The following C4orf17 variants were observed in gnomAD, a reference collection of about 807,000 sequenced individuals.
C4orf17 encodes uncharacterized protein C4orf17.
Under a neutral mutation model 32.0 loss-of-function variants are expected in C4orf17, and 25 were observed. That is an observed-to-expected ratio of 0.78 (90% confidence interval 0.57 to 1.09). The LOEUF is 1.09. Among genes scored for constraint, C4orf17 ranks in the 50% least tolerant of loss-of-function variants. The probability of loss-of-function intolerance (pLI) is 0.00; values close to 1 mark genes in which losing one functional copy is unlikely to be tolerated. For missense variants in C4orf17, 420 were observed against 420.0 expected (o/e 1.00, Z 0.00); for synonymous variants, 149 against 145.8 (o/e 1.02, Z -0.16).
chr4:99,531,333 ATAAATT>A (rs1432325653), intron 5 of C4orf17, among the ~76,000 whole-genome samples: 3 of 152,158 alleles, frequency 2.0e-5, no homozygotes, highest in African/African-American at 7.2e-5. Flanking sequence ...TATTGAATAA[ATAAATT>A]AAAAGGAAAA....
At chr4:99,519,958 G>A (rs904484016) in intron 2 of C4orf17, among the ~76,000 whole-genome samples, 5 of 152,114 alleles carry the variant, frequency 3.3e-5, no homozygotes, top group Admixed American at 1.3e-4. Context: ...GAAAATGAAG[G>A]CCAAGGGGAA....
intron 4 of C4orf17, among the ~76,000 whole-genome samples, chr4:99,525,703 G>T (rs1255941747): frequency 6.6e-6 from 1 of 151,918 alleles, no homozygotes; most frequent in Non-Finnish European, 1.5e-5. Context: ...CTGAGGCAGG[G>T]GAATTGCTTG....
chr4:99,528,208 TAAAAG>T (rs143160896), intron 4 of C4orf17, among the ~76,000 whole-genome samples: 29,612 of 151,990 alleles, frequency 0.19, 2,931 homozygotes, highest in South Asian at 0.3. Flanking sequence ...TTTTCTCAAT[TAAAAG>T]AAGTTTATAA....
intron 5 of C4orf17, among the ~76,000 whole-genome samples, chr4:99,533,840 A>G (rs1441705271): frequency 6.6e-6 from 1 of 152,212 alleles, no homozygotes; most frequent in Non-Finnish European, 1.5e-5. Flanking sequence ...TTCAGACCCC[A>G]GAAAAGTTAC....
At chr4:99,540,556 CA>C in intron 8 of C4orf17, 101 bp downstream of exon 8, 1 of 717,308 alleles carries the variant, frequency 1.4e-6, no homozygotes, top group Non-Finnish European at 2.4e-6. Flanking sequence ...TTTAAAAAAA[CA>C]GAAAAATACA....
At chr4:99,534,553 C>T (rs1723529294) in intron 5 of C4orf17, among the ~76,000 whole-genome samples, 1 of 152,114 alleles carries the variant, frequency 6.6e-6, no homozygotes, top group East Asian at 1.9e-4. Flanking sequence ...GAGGAATCAC[C>T]ACACTGTCTT....
chr4:99,524,509 A>C lies in C4orf17; in HGVS notation c.338-12A>C. On this transcript the variant is annotated splice_polypyrimidine_tract_variant and intron_variant, in intron 3 of 8. Transcript: ENST00000326581. ...TTTAATCTAAATACATTTTTCCTCA[A>C]TTTTATTTCAGAGCCCAGTAGAAAA... 6.5e-7 allele frequency: 1 copy of C among 1,547,174 alleles called. No individual in the cohort carries two copies. Among genetic ancestry groups the C allele is most frequent in the Non-Finnish European group, 8.9e-7 (1 of 1,124,292 alleles).
At chr4:99,518,504 AAAAAAAAAAAAAAAAT>A (rs1434532638) in intron 2 of C4orf17, among the ~76,000 whole-genome samples, 17 of 68,734 alleles carry the variant, frequency 2.5e-4, no homozygotes, top group African/African-American at 1.2e-3. Flanking sequence ...AAAAAAAAAA[AAAAAAAAAAAAAAAAT>A]ATATATATAT....
At chr4:99,535,946 C>G (rs1236745423) in intron 5 of C4orf17, 1 of 434,264 alleles carries the variant, frequency 2.3e-6, no homozygotes, top group Non-Finnish European at 4.5e-6. Context: ...TTGTTTTTTT[C>G]TGTTTTTCTT....
chr4:99,533,667 G>A (rs957244120), intron 5 of C4orf17, among the ~76,000 whole-genome samples: 2 of 152,182 alleles, frequency 1.3e-5, no homozygotes, highest in African/African-American at 4.8e-5. Context: ...ACCATTAAGT[G>A]TTCAGTCCAA....
At chr4:99,529,487 T>C (rs543123030) in intron 4 of C4orf17, among the ~76,000 whole-genome samples, 1 of 152,200 alleles carries the variant, frequency 6.6e-6, no homozygotes, top group African/African-American at 2.4e-5. Flanking sequence ...AAGAGAAATC[T>C]TCCCAACTTA....
chr4:99,539,332 A>G lies in C4orf17; in HGVS notation c.798A>G (p.Lys266=), dbSNP rs757193521. 6.2e-6 allele frequency: 10 copies of G among 1,614,092 alleles called. No homozygotes were observed. Among genetic ancestry groups the G allele is most frequent in the Middle Eastern group, 1.7e-4 (1 of 6,060 alleles). The change falls in exon 7 of 9, where the codon AAA becomes AAG. Residue 266 remains lysine (K), a synonymous_variant. Transcript: ENST00000326581. ...KLPPNFTAKS[K]VLTRDTEGDQ... ...CCCCAAATTTTACTGCAAAATCAAA[A>G]GTGCTGACCAGAGATACAGAAGGGG...
intron 8 of C4orf17, chr4:99,541,057 A>G (rs1173275306): frequency 1.3e-5 from 2 of 152,316 alleles, no homozygotes; most frequent in Non-Finnish European, 2.9e-5. Context: ...CAAGGAGAGC[A>G]TTCATGACTA....
intron 3 of C4orf17, among the ~76,000 whole-genome samples, chr4:99,524,254 T>C (rs1723349713): frequency 6.6e-6 from 1 of 152,176 alleles, no homozygotes; most frequent in Non-Finnish European, 1.5e-5. Context: ...AATATATACT[T>C]TTTAAATCAG....
In C4orf17 at chr4:99,529,904, T is replaced by C. The variant is rs1723450700; in HGVS notation, c.492T>C (p.Asn164=). 6.2e-7 allele frequency: 1 copy of C among 1,613,132 alleles called. No homozygotes were observed. The highest frequency in any genetic ancestry group is 8.5e-7 in the Non-Finnish European group (1 of 1,179,442). The change falls in exon 5 of 9, where the codon AAT becomes AAC. Residue 164 remains asparagine (N), a synonymous_variant. Transcript: ENST00000326581. ...SCSSGMTSTK[N]DVKANTICIP... is the part of the protein sequence containing the mutation. Reference sequence around the variant, plus strand: ...CTTCAGGGATGACAAGTACCAAGAATGATGTGAAAGCAAACACCATTTGCA... The same window carrying C: ...CTTCAGGGATGACAAGTACCAAGAACGATGTGAAAGCAAACACCATTTGCA...
At chr4:99,520,641 T>C (rs1186184779) in intron 2 of C4orf17, among the ~76,000 whole-genome samples, 3 of 152,206 alleles carry the variant, frequency 2.0e-5, no homozygotes, top group Non-Finnish European at 4.4e-5. Context: ...CATGGTAATA[T>C]ATGTTCAATT....
chr4:99,539,769 C>G (rs1005496311), intron 7 of C4orf17, among the ~76,000 whole-genome samples: 1 of 152,056 alleles, frequency 6.6e-6, no homozygotes, highest in Admixed American at 6.6e-5. Context: ...ATGTGTATCA[C>G]ACAGGTTTCA....
intron 2 of C4orf17, among the ~76,000 whole-genome samples, chr4:99,521,002 CTG>C (rs1723279258): frequency 6.6e-6 from 1 of 152,146 alleles, no homozygotes; most frequent in Non-Finnish European, 1.5e-5. Flanking sequence ...ACATTTTAAA[CTG>C]TAATTCCAAA....
chr4:99,528,215 A>G (rs1723422229), intron 4 of C4orf17, among the ~76,000 whole-genome samples: 1 of 152,152 alleles, frequency 6.6e-6, no homozygotes, highest in Admixed American at 6.5e-5. Flanking sequence ...AATTAAAAGA[A>G]GTTTATAATT....
Sources: allele counts gnomAD v4.1 joint callset (sites outside exome capture counted in the v4.1 genomes callset), GRCh38; gene constraint gnomAD v4.1.1; transcripts MANE v1.5; gene names NCBI Gene and HGNC (gene_info 2026-07-23, HGNC 2026-07-21).